The following SRRD variants were observed in gnomAD, a reference collection of about 807,000 sequenced individuals.
SRRD encodes the protein SRR1-like protein.
Under a neutral mutation model 30.7 loss-of-function variants are expected in SRRD, and 28 were observed. The ratio of observed to expected loss-of-function variants is 0.91; its 90% CI spans 0.68 to 1.25. SRRD has a LOEUF of 1.25. Among genes scored for constraint, SRRD ranks in the 50% most tolerant of loss-of-function variants. The probability of loss-of-function intolerance (pLI) is 0.00; values close to 1 mark genes in which losing one functional copy is unlikely to be tolerated. For missense variants in SRRD, 415 were observed against 417.3 expected (o/e 0.99, Z 0.05); for synonymous variants, 161 against 159.6 (o/e 1.01, Z -0.07).
Position 26,494,099 on chromosome 22 carries a change from A to G in SRRD, c.*2427A>G. 1 of 1,606,472 alleles carries G rather than the reference A, an allele frequency of 6.2e-7. No homozygotes were observed. The highest frequency in any genetic ancestry group is 1.1e-5 in the South Asian group (1 of 90,368). On this transcript the variant is annotated 3_prime_UTR_variant, in exon 7 of 7. Coordinates refer to ENST00000215917, the MANE Select transcript of SRRD (RefSeq NM_001013694.3). ...GTCATTTACATGTGTAAAATCTGAA[A>G]CTTGGGGCCAGGACATCCAAAATGG...
intron 2 of SRRD, 62 bp downstream of exon 2, chr22:26,486,125 G>A: frequency 1.2e-6 from 2 of 1,610,140 alleles, no homozygotes; most frequent in Non-Finnish European, 1.7e-6. Context: ...GTCCTCATTT[G>A]AGGACATTTT....
chr22:26,485,312 C>T (rs745817757), intron 1 of SRRD, among the ~76,000 whole-genome samples: 2 of 152,204 alleles, frequency 1.3e-5, no homozygotes, highest in Non-Finnish European at 2.9e-5. Context: ...TTCCTGTGTA[C>T]ATCAGAACTC....
At position 26,489,893 on chromosome 22, in the gene SRRD, C is replaced by T. The variant is rs1467545014; in HGVS notation, c.610-151C>T. ...TCTTTAGTCCTGTAACTATAGATTT[C>T]ATATACGAGTGTAACTGTTCCACAA... On this transcript the variant is annotated intron_variant, in intron 4 of 6. Transcript: ENST00000215917. The T allele has an allele frequency of 7.2e-5, 54 of 747,970 alleles. 1 individual carries two copies. The Admixed American group carries it at 1.5e-3, about 21-fold the overall frequency. 46.3% of individuals were successfully genotyped at this position (747,970 alleles called of 1,614,324 possible).
intron 1 of SRRD, among the ~76,000 whole-genome samples, chr22:26,485,779 A>ATC (rs1275459099): frequency 2.6e-5 from 4 of 152,124 alleles, no homozygotes; most frequent in South Asian, 2.1e-4. Flanking sequence ...ATAGACCCAG[A>ATC]TCTCTCTCTG....
rs779056094 is a variant in SRRD at position 26,494,625 on chromosome 22, T to C, written c.*2953T>C. 19 of 960,552 alleles carry C rather than the reference T, an allele frequency of 2.0e-5. No individual in the cohort carries two copies. The Middle Eastern group carries it at 9.5e-4, about 48-fold the overall frequency. The allele number at this position is 960,552 out of a possible 1,614,324, so 59.5% of individuals were successfully genotyped here. On this transcript the variant is annotated 3_prime_UTR_variant, in exon 7 of 7. Transcript: ENST00000215917. ...AGTGCTTGGAACAGCTTCTGATACATGGCAAATGTCCAATAAATGGTGCCC... is the reference window on the plus strand; with the variant it reads ...AGTGCTTGGAACAGCTTCTGATACACGGCAAATGTCCAATAAATGGTGCCC...
In SRRD at chr22:26,491,665, C is replaced by G. The variant is rs1277097266; in HGVS notation, c.1013C>G (p.Thr338Ser). Residue 338 changes from threonine (T) to serine (S), a missense_variant, in exon 7 of 7, where the codon ACT becomes AGT. Thr to Ser is a moderately conservative substitution (Grantham distance 58). Coordinates refer to ENST00000215917, the MANE Select transcript of SRRD (RefSeq NM_001013694.3). The part of the protein sequence containing the change: ...IRNKREDPSA[T>S]D ...AACAAGAGAGAAGATCCTTCTGCTACTGACTGAACTCGTTGTGAGGTACTC... is the reference window on the plus strand; with the variant it reads ...AACAAGAGAGAAGATCCTTCTGCTAGTGACTGAACTCGTTGTGAGGTACTC... 1 of 1,609,542 alleles carries G rather than the reference C, an allele frequency of 6.2e-7. No individual in the cohort carries two copies. Among genetic ancestry groups the G allele is most frequent in the African/African-American group, 1.3e-5 (1 of 74,930 alleles).
At chr22:26,489,267 C>A (rs952235020) in intron 4 of SRRD, among the ~76,000 whole-genome samples, 1 of 151,946 alleles carries the variant, frequency 6.6e-6, no homozygotes, top group Non-Finnish European at 1.5e-5. Flanking sequence ...TTTGGGGAGA[C>A]CAAGAAAAAT....
intron 5 of SRRD, 95 bp downstream of exon 5, chr22:26,490,293 A>G (rs1391332957): frequency 1.5e-6 from 2 of 1,376,620 alleles, no homozygotes; most frequent in Non-Finnish European, 2.0e-6. Flanking sequence ...TGACGATTCC[A>G]TACTGGGGAA....
chr22:26,484,371 T>C (rs2091645305), intron 1 of SRRD, among the ~76,000 whole-genome samples: 1 of 152,126 alleles, frequency 6.6e-6, no homozygotes, highest in South Asian at 2.1e-4. Flanking sequence ...GGGATGAAAA[T>C]AGTACATACG....
Position 26,493,982 on chromosome 22 carries a change from C to T in SRRD, c.*2310C>T. On this transcript the variant is annotated 3_prime_UTR_variant, in exon 7 of 7. Transcript: ENST00000215917. ...GCAGTGGGTGCCAGCTGACCATGTACCCCAGTCAGCAGGGTGAGAGTCTGT... is the reference window on the plus strand; with the variant it reads ...GCAGTGGGTGCCAGCTGACCATGTATCCCAGTCAGCAGGGTGAGAGTCTGT... The T allele has an allele frequency of 1.3e-6, 1 of 756,946 alleles. No individual in the cohort carries two copies. Among genetic ancestry groups the T allele is most frequent in the Non-Finnish European group, 2.1e-6 (1 of 477,242 alleles). The allele number at this position is 756,946 out of a possible 1,614,324, so 46.9% of individuals were successfully genotyped here. A position where few individuals can be genotyped will look rare whatever the true frequency, so the allele number is the denominator to read the frequency against.
In SRRD at chr22:26,493,044, G is replaced by C. The variant is rs74355529; in HGVS notation, c.*1372G>C. The C allele has an allele frequency of 8.5e-6, 1 of 118,100 alleles. No individual in the cohort carries two copies. Among genetic ancestry groups the C allele is most frequent in the Non-Finnish European group, 1.8e-5 (1 of 55,314 alleles). The allele number at this position is 118,100 out of a possible 1,614,324, so 7.3% of individuals were successfully genotyped here. On this transcript the variant is annotated 3_prime_UTR_variant, in exon 7 of 7. Coordinates refer to ENST00000215917, the MANE Select transcript of SRRD (RefSeq NM_001013694.3). ...AGGCTATTTTTCTTTTTTTTTTTTT[G>C]AGACCGAGTCTCGCTCTTGTCACCT...
chr22:26,487,508 C>T lies in SRRD; in HGVS notation c.251-521C>T, dbSNP rs149754489. 2.0e-3 allele frequency among the ~76,000 whole-genome samples: 307 copies of T among 151,998 alleles called. 3 individuals carry two copies. Among genetic ancestry groups the T allele is most frequent in the African/African-American group, 7.1e-3 (294 of 41,464 alleles). On this transcript the variant is annotated intron_variant, in intron 2 of 6. Transcript: ENST00000215917. Reference sequence around the variant, plus strand: ...CCAAGTAGCTGGGACTACAGCTGTGCGCCAGTACGCCTGACTAATTTTTTG... The same window carrying T: ...CCAAGTAGCTGGGACTACAGCTGTGTGCCAGTACGCCTGACTAATTTTTTG...
Position 26,491,469 on chromosome 22 carries a change from A to G in SRRD, c.817A>G (p.Lys273Glu). Residue 273 changes from lysine (K) to glutamate (E), a missense_variant, in exon 7 of 7, where the codon AAA (lysine) becomes GAA (glutamate). Physicochemically the swap from Lys to Glu is moderately conservative, Grantham distance 56 (BLOSUM62 1). Transcript: ENST00000215917. ...KNYPYIAKIL[K>E]GLEELEFPQT... ...CTTGAATTTTTCTGCTCAGATTTTAAAAGGACTGGAGGAGCTTGAGTTTCC... is the reference window on the plus strand; with the variant it reads ...CTTGAATTTTTCTGCTCAGATTTTAGAAGGACTGGAGGAGCTTGAGTTTCC... 1 of 1,610,226 alleles carries G rather than the reference A, an allele frequency of 6.2e-7. No homozygotes were observed. The highest frequency in any genetic ancestry group is 8.5e-7 in the Non-Finnish European group (1 of 1,178,896).
Position 26,490,044 on chromosome 22 carries a change from G to A in SRRD, c.610G>A (p.Glu204Lys), listed in dbSNP as rs775837405. ...LGVTVLSENE[E>K]GKRSIRGEPT... Reference sequence around the variant, plus strand: ...ACACCTGTGAATATCGTATCCCCAGGAAGGGAAACGGAGTATTCGCGGGGA... The same window carrying A: ...ACACCTGTGAATATCGTATCCCCAGAAAGGGAAACGGAGTATTCGCGGGGA... Residue 204 changes from glutamate (E) to lysine (K), a missense_variant and splice_region_variant, in exon 5 of 7, where the codon GAA becomes AAA. Transcript: ENST00000215917. The A allele has an allele frequency of 6.8e-6, 11 of 1,613,806 alleles. No homozygotes were observed. The Admixed American group carries it at 1.5e-4, about 22-fold the overall frequency.
At chr22:26,486,574 C>T (rs898548892) in intron 2 of SRRD, among the ~76,000 whole-genome samples, 1 of 152,128 alleles carries the variant, frequency 6.6e-6, no homozygotes, top group African/African-American at 2.4e-5. Context: ...TACAATGATG[C>T]AATCATAGTT....
chr22:26,491,588 G>A lies in SRRD; in HGVS notation c.936G>A (p.Glu312=), dbSNP rs1921187979. 9 of 1,614,094 alleles carry A rather than the reference G, an allele frequency of 5.6e-6. No individual in the cohort carries two copies. The highest frequency in any genetic ancestry group is 7.6e-6 in the Non-Finnish European group (9 of 1,180,036). The change falls in exon 7 of 7, where the codon GAG becomes GAA. Residue 312 remains glutamate (E), a synonymous_variant. Coordinates refer to ENST00000215917, the MANE Select transcript of SRRD (RefSeq NM_001013694.3). ...KLEQLSIDIW[E]FREEPDYQDC... is the part of the protein sequence containing the mutation. ...AACAGCTCTCCATAGATATTTGGGA[G>A]TTTCGGGAAGAACCAGATTATCAGG...
chr22:26,483,983 G>GCTCC lies in SRRD; in HGVS notation c.93_94insCTCC (p.Ala32LeufsTer28), dbSNP rs1304871915. ...CGGCTCGACGGCCGCGGCGGAGGGA[G>GCTCC]GCGGCGCCCCGGGGGAGAGAGGCGG... is the stretch of plus-strand genomic sequence containing the variant. On this transcript the variant is annotated frameshift_variant, in exon 1 of 7. Transcript: ENST00000215917. LOFTEE classifies it high-confidence loss of function. 9.5e-3 allele frequency: 444 copies of GCTCC among 46,514 alleles called. No homozygotes were observed. The highest frequency in any genetic ancestry group is 0.012 in the Non-Finnish European group (397 of 31,978). The allele number at this position is 46,514 out of a possible 1,614,324, so 2.9% of individuals were successfully genotyped here.
chr22:26,490,152 T>G lies in SRRD; in HGVS notation c.718T>G (p.Ser240Ala), dbSNP rs1920998283. 5 of 1,614,160 alleles carry G rather than the reference T, an allele frequency of 3.1e-6. No homozygotes were observed. Among genetic ancestry groups the G allele is most frequent in the Non-Finnish European group, 4.2e-6 (5 of 1,180,032 alleles). ...LWSNWSVDAL[S>A]KMVIIGNSFK... ...GAGTAACTGGTCAGTAGATGCCCTT[T>G]CTAAGATGGTCATCATTGGGAACAG... Residue 240 changes from serine (S) to alanine (A), a missense_variant, in exon 5 of 7, where the codon TCT (serine) becomes GCT (alanine). Transcript: ENST00000215917.
chr22:26,483,916 T>C lies in SRRD; in HGVS notation c.26T>C (p.Leu9Pro), dbSNP rs988181172. MAAAAAAA[L>P]ESWQAAAPRK... is the part of the protein sequence containing the mutation. ...ATGGCTGCGGCCGCAGCTGCGGCGC[T>C]GGAATCCTGGCAGGCGGCGGCTCCG... Residue 9 changes from leucine to proline, a missense_variant, in exon 1 of 7, where the codon CTG (leucine) becomes CCG (proline). Coordinates refer to ENST00000215917, the MANE Select transcript of SRRD (RefSeq NM_001013694.3). 5 of 1,349,554 alleles carry C rather than the reference T, an allele frequency of 3.7e-6. No homozygotes were observed. Among genetic ancestry groups the C allele is most frequent in the East Asian group, 3.1e-5 (1 of 32,276 alleles). The allele number at this position is 1,349,554 out of a possible 1,614,324, so 83.6% of individuals were successfully genotyped here. A position where few individuals can be genotyped will look rare whatever the true frequency, so the allele number is the denominator to read the frequency against.
Sources: gnomAD v4.1 joint callset for allele counts (sites outside exome capture counted in the v4.1 genomes callset) on GRCh38, gnomAD v4.1.1 for gene constraint, MANE v1.5 for transcripts, NCBI Gene and HGNC (gene_info 2026-07-23, HGNC 2026-07-21) for gene names.